KCNJ6: variants seen among roughly 807,000 people sequenced by gnomAD.
KCNJ6 encodes potassium inwardly rectifying channel subfamily J member 6.
Under a neutral mutation model 34.2 loss-of-function variants are expected in KCNJ6, and 9 were observed. The ratio of observed to expected loss-of-function variants is 0.26; its 90% confidence interval spans 0.16 to 0.46. The LOEUF is 0.46. Among genes scored for constraint, KCNJ6 ranks in the 20% least tolerant of loss-of-function variants. The pLI, the probability that KCNJ6 is intolerant of heterozygous loss-of-function variation, is 1.00. For synonymous variants in KCNJ6, 196 were observed against 207.1 expected, an observed-to-expected ratio of 0.95 and a Z score of 0.46; for missense variants, 236 against 531.3, an observed-to-expected ratio of 0.44 and a Z score of 5.46.
intron 3 of KCNJ6, among the ~76,000 whole-genome samples, chr21:37,678,984 A>T (rs901881885): frequency 6.6e-5 from 10 of 152,238 alleles, no homozygotes; most frequent in Non-Finnish European, 1.5e-4. Flanking sequence ...GATGGTGTGT[A>T]ACTTTAGAGA....
chr21:37,632,864 G>T (rs563708725), intron 3 of KCNJ6, among the ~76,000 whole-genome samples: 55 of 152,126 alleles, frequency 3.6e-4, no homozygotes, highest in Non-Finnish European at 7.2e-4. Flanking sequence ...TTGCCATAAA[G>T]AAATTACAAA....
At chr21:37,843,817 A>G (rs1243158117) in intron 1 of KCNJ6, among the ~76,000 whole-genome samples, 3 of 152,186 alleles carry the variant, frequency 2.0e-5, no homozygotes, top group African/African-American at 7.2e-5. Flanking sequence ...CTGCTCTCCC[A>G]GAAATCTTAA....
At chr21:37,713,163 A>T (rs112175355) in intron 3 of KCNJ6, among the ~76,000 whole-genome samples, 2,209 of 152,224 alleles carry the variant, frequency 0.015, 38 homozygotes, top group African/African-American at 0.044. Context: ...CCTAAAAGGG[A>T]TCACAGGATT....
chr21:37,888,674 G>C (rs1042881797), intron 1 of KCNJ6, among the ~76,000 whole-genome samples: 2 of 152,216 alleles, frequency 1.3e-5, no homozygotes, highest in African/African-American at 4.8e-5. Context: ...AGACCTGGTG[G>C]GGCAGGAGAT....
chr21:37,674,888 A>AAATGAATG (rs1348608669), intron 3 of KCNJ6, among the ~76,000 whole-genome samples: 2 of 152,204 alleles, frequency 1.3e-5, no homozygotes, highest in Non-Finnish European at 2.9e-5. Flanking sequence ...ACGAATGAAT[A>AAATGAATG]AATGAATGAA....
intron 1 of KCNJ6, among the ~76,000 whole-genome samples, chr21:37,866,274 T>A (rs1422021892): frequency 6.6e-6 from 1 of 152,200 alleles, no homozygotes; most frequent in East Asian, 1.9e-4. Context: ...CACAATTACA[T>A]AACACAATGT....
chr21:37,740,375 A>G (rs928087316), intron 2 of KCNJ6, among the ~76,000 whole-genome samples: 5 of 152,054 alleles, frequency 3.3e-5, no homozygotes, highest in African/African-American at 1.2e-4. Flanking sequence ...GCATGATAAA[A>G]CTTTGGTCTC....
intron 1 of KCNJ6, among the ~76,000 whole-genome samples, chr21:37,863,857 T>G (rs1013058086): frequency 1.0e-4 from 9 of 85,856 alleles, no homozygotes; most frequent in East Asian, 3.6e-4. Flanking sequence ...TTTTTTTTTT[T>G]TTGTTTTTTT....
Position 37,803,074 on chromosome 21 carries a change from C to A in KCNJ6, c.25+37584G>T, listed in dbSNP as rs570102416. Among the ~76,000 whole-genome samples the A allele has an allele frequency of 1.2e-4, 19 of 152,342 alleles. No homozygotes were observed. In the South Asian group the frequency reaches 3.9e-3, roughly 32 times the overall value. On this transcript the variant is annotated intron_variant, in intron 2 of 3. Coordinates refer to ENST00000609713, the MANE Select transcript of KCNJ6 (RefSeq NM_002240.5). ...CTGGTAAATTTCAAATAGTTGACGTCCTTGGCTCATCCTTGTCAACGCACA... is the reference window on the plus strand; with the variant it reads ...CTGGTAAATTTCAAATAGTTGACGTACTTGGCTCATCCTTGTCAACGCACA...
chr21:37,838,505 G>C (rs1013641548), intron 2 of KCNJ6, among the ~76,000 whole-genome samples: 6 of 152,148 alleles, frequency 3.9e-5, no homozygotes, highest in African/African-American at 1.4e-4. Flanking sequence ...TCCATTCATG[G>C]ACAATGATGC....
At chr21:37,899,979 A>G (rs553794526) in intron 1 of KCNJ6, among the ~76,000 whole-genome samples, 1 of 152,306 alleles carries the variant, frequency 6.6e-6, no homozygotes, top group African/African-American at 2.4e-5. Flanking sequence ...GCAGCTGAGA[A>G]TGACCTGTCC....
chr21:37,716,266 G>C (rs2054790247), intron 2 of KCNJ6, among the ~76,000 whole-genome samples: 1 of 152,080 alleles, frequency 6.6e-6, no homozygotes, highest in Non-Finnish European at 1.5e-5. Context: ...AAAGGGTGGG[G>C]AAATGTTCTC....
intron 2 of KCNJ6, among the ~76,000 whole-genome samples, chr21:37,836,811 C>T (rs901323659): frequency 2.0e-5 from 3 of 152,054 alleles, no homozygotes; most frequent in Admixed American, 6.6e-5. Flanking sequence ...ATGGGTGCAG[C>T]AAACCACCAT....
chr21:37,882,387 C>G (rs2055713607), intron 1 of KCNJ6, among the ~76,000 whole-genome samples: 1 of 152,106 alleles, frequency 6.6e-6, no homozygotes, highest in Non-Finnish European at 1.5e-5. Context: ...AAACCTTATC[C>G]ACAGAGGGCG....
At position 37,712,802 on chromosome 21, in the gene KCNJ6, TTCC is replaced by T. The variant is rs1297648679; in HGVS notation, c.946+1406_946+1408del. Among the ~76,000 whole-genome samples the T allele has an allele frequency of 2.1e-5, 3 of 143,610 alleles. No individual in the cohort carries two copies. The East Asian group carries it at 6.6e-4, about 32-fold the overall frequency. The allele number at this position is 143,610 out of a possible 152,430, so 94.2% of individuals were successfully genotyped here. ...CTTCTACTTCTCCCTTCTATCTCCC[TTCC>T]TCCTCCCCACCCAACTATTGCCACA... On this transcript the variant is annotated intron_variant, in intron 3 of 3. Coordinates refer to ENST00000609713, the MANE Select transcript of KCNJ6 (RefSeq NM_002240.5).
rs553707084 is a variant in KCNJ6 at position 37,748,185 on chromosome 21, C to G, written c.26-33054G>C. 2.0e-5 allele frequency among the ~76,000 whole-genome samples: 3 copies of G among 152,324 alleles called. No individual in the cohort carries two copies. The East Asian group carries it at 5.8e-4, about 29-fold the overall frequency. On this transcript the variant is annotated intron_variant, in intron 2 of 3. Coordinates refer to ENST00000609713, the MANE Select transcript of KCNJ6 (RefSeq NM_002240.5). Reference sequence around the variant, plus strand: ...CTCAATAATGGTGGATACGTGAACACTTCCAACCCTGGACAGCAGGTGCTC... The same window carrying G: ...CTCAATAATGGTGGATACGTGAACAGTTCCAACCCTGGACAGCAGGTGCTC...
intron 3 of KCNJ6, among the ~76,000 whole-genome samples, chr21:37,655,246 AG>A (rs1569439001): frequency 3.8e-4 from 17 of 44,196 alleles, no homozygotes; most frequent in African/African-American, 2.3e-3. Context: ...AGAGAGAGAG[AG>A]AGAGAGAGAG....
At chr21:37,631,700 A>G (rs1333134969) in intron 3 of KCNJ6, among the ~76,000 whole-genome samples, 1 of 152,140 alleles carries the variant, frequency 6.6e-6, no homozygotes, top group Admixed American at 6.5e-5. Context: ...CCAATGCAGA[A>G]CAAGTGCTGG....
chr21:37,658,754 C>G (rs1296453750), intron 3 of KCNJ6, among the ~76,000 whole-genome samples: 1 of 152,210 alleles, frequency 6.6e-6, no homozygotes, highest in Non-Finnish European at 1.5e-5. Flanking sequence ...CCTCACTCCT[C>G]TTATTGCAGG....
Sources: allele counts gnomAD v4.1 joint callset (sites outside exome capture counted in the v4.1 genomes callset), GRCh38; gene constraint gnomAD v4.1.1; transcripts MANE v1.5; gene names NCBI Gene and HGNC (gene_info 2026-07-23, HGNC 2026-07-21).